CAMSAP2: variants seen among roughly 807,000 people sequenced by gnomAD.
CAMSAP2 encodes the protein calmodulin-regulated spectrin-associated protein 2.
A neutral mutation model predicts 146.1 loss-of-function variants in CAMSAP2; 26 were observed. The ratio of observed to expected loss-of-function variants is 0.18; its 90% confidence interval spans 0.13 to 0.25. The LOEUF (loss-of-function observed/expected upper bound fraction) is 0.25. CAMSAP2 is among the 10% of genes least tolerant of loss of function. CAMSAP2 has a pLI of 1.00. For synonymous variants in CAMSAP2, 499 were observed against 596.6 expected (o/e 0.84, Z 2.38); for missense variants, 1,381 against 1,759.3 (o/e 0.78, Z 3.85).
chr1:200,852,423 G>C, intron 11 of CAMSAP2, 118 bp from the exon 12 acceptor site: 1 of 1,083,176 alleles, frequency 9.2e-7, no homozygotes, highest in Non-Finnish European at 1.3e-6. Flanking sequence ...ATTCAGAAGG[G>C]TTGTAATAGT....
intron 1 of CAMSAP2, among the ~76,000 whole-genome samples, chr1:200,744,580 A>G (rs1203590534): frequency 6.6e-6 from 1 of 152,236 alleles, no homozygotes; most frequent in Non-Finnish European, 1.5e-5. Context: ...GTATAACCAC[A>G]GTAGAGTTCA....
At chr1:200,804,018 C>A (rs1666105752) in intron 2 of CAMSAP2, among the ~76,000 whole-genome samples, 1 of 152,050 alleles carries the variant, frequency 6.6e-6, no homozygotes, top group Admixed American at 6.6e-5. Flanking sequence ...CCTCCACCTC[C>A]CGGGTTCATG....
intron 6 of CAMSAP2, among the ~76,000 whole-genome samples, chr1:200,835,041 T>C (rs1180761313): frequency 6.6e-6 from 1 of 152,196 alleles, no homozygotes; most frequent in Non-Finnish European, 1.5e-5. Flanking sequence ...ATCATATACA[T>C]GCTATATAAA....
intron 3 of CAMSAP2, among the ~76,000 whole-genome samples, chr1:200,809,771 C>T (rs1490367182): frequency 6.6e-6 from 1 of 152,078 alleles, no homozygotes; most frequent in East Asian, 1.9e-4. Context: ...ATACCTGAAA[C>T]TGGGTGATTT....
intron 4 of CAMSAP2, among the ~76,000 whole-genome samples, chr1:200,824,158 A>G (rs1004301116): frequency 2.6e-5 from 4 of 151,914 alleles, no homozygotes; most frequent in African/African-American, 9.7e-5. Context: ...TTGATGCTCA[A>G]ATGGTCTTAG....
chr1:200,769,536 C>T (rs1665056000), intron 2 of CAMSAP2, among the ~76,000 whole-genome samples: 1 of 152,126 alleles, frequency 6.6e-6, no homozygotes, highest in Non-Finnish European at 1.5e-5. Flanking sequence ...AGTCACAAGT[C>T]CAGGCCTCCG....
At chr1:200,844,914 A>G in intron 8 of CAMSAP2, 45 bp downstream of exon 8, 1 of 1,033,368 alleles carries the variant, frequency 9.7e-7, no homozygotes, top group South Asian at 1.6e-5. Flanking sequence ...TATTCTATTT[A>G]CTAATTAAAT....
At chr1:200,854,369 A>G (rs1022372466) in intron 13 of CAMSAP2, among the ~76,000 whole-genome samples, 1 of 152,188 alleles carries the variant, frequency 6.6e-6, no homozygotes, top group Non-Finnish European at 1.5e-5. Context: ...TGCCATGGAA[A>G]TTTTTTAGAG....
At chr1:200,775,901 G>A (rs1665264265) in intron 2 of CAMSAP2, among the ~76,000 whole-genome samples, 1 of 151,912 alleles carries the variant, frequency 6.6e-6, no homozygotes, top group Non-Finnish European at 1.5e-5. Flanking sequence ...TTGATGGCAA[G>A]TATATAACTT....
intron 9 of CAMSAP2, 92 bp downstream of exon 9, chr1:200,847,384 G>A: frequency 1.0e-6 from 1 of 999,434 alleles, no homozygotes; most frequent in Non-Finnish European, 1.5e-6. Flanking sequence ...AAATATCCAG[G>A]GTTTTTTTGT....
rs1667057971 is a variant in CAMSAP2, at chr1:200,832,133, G to A, written c.646-67G>A. Reference sequence around the variant, plus strand: ...TATTACTGGTACATTAGAATTTACAGTACTGATTTTTTTCCTATGCGTTAT... The same window carrying A: ...TATTACTGGTACATTAGAATTTACAATACTGATTTTTTTCCTATGCGTTAT... On this transcript the variant is annotated intron_variant, in intron 4 of 16. Coordinates refer to ENST00000358823, the MANE Select transcript of CAMSAP2 (RefSeq NM_203459.4). The surrounding 1 kb of genome is among the most constrained non-coding windows in gnomAD (Gnocchi z 4.2). 1.2e-5 allele frequency: 15 copies of A among 1,251,110 alleles called. No homozygotes were observed. The highest frequency in any genetic ancestry group is 1.7e-5 in the Non-Finnish European group (15 of 902,772). 77.5% of individuals were successfully genotyped at this position (1,251,110 alleles called of 1,614,324 possible). A position where few individuals can be genotyped will look rare whatever the true frequency, so the allele number is the denominator to read the frequency against.
At chr1:200,754,414 A>G (rs182950871) in intron 1 of CAMSAP2, among the ~76,000 whole-genome samples, 1 of 152,230 alleles carries the variant, frequency 6.6e-6, no homozygotes, top group Non-Finnish European at 1.5e-5. Context: ...TAAATTAATT[A>G]GTAATTTATA....
At chr1:200,746,257 A>C (rs1664318918) in intron 1 of CAMSAP2, among the ~76,000 whole-genome samples, 1 of 152,230 alleles carries the variant, frequency 6.6e-6, no homozygotes, top group African/African-American at 2.4e-5. Context: ...GGAAGTTATT[A>C]TGTTTCAGGT....
At chr1:200,830,864 T>C (rs1222086700) in intron 4 of CAMSAP2, among the ~76,000 whole-genome samples, 3 of 152,224 alleles carry the variant, frequency 2.0e-5, no homozygotes, top group Non-Finnish European at 4.4e-5. Flanking sequence ...GAGGAAAACA[T>C]GTTCCATGAA....
rs571775159 is a variant in CAMSAP2, at chr1:200,796,472, T to C, written c.400-10904T>C. Among the ~76,000 whole-genome samples, 3 of 152,148 alleles carry C rather than the reference T, an allele frequency of 2.0e-5. No homozygotes were observed. In the South Asian group the frequency reaches 6.2e-4, roughly 32 times the overall value. The stretch of plus-strand genomic sequence containing the variant: ...AGTCCCTTGAGCTTTAATATGAATT[T>C]TAGGATCAGTTTGTCAGTTTCTATA... On this transcript the variant is annotated intron_variant, in intron 2 of 16. Transcript: ENST00000358823.
In CAMSAP2 at chr1:200,760,874, A is replaced by G; in HGVS notation, c.175A>G (p.Thr59Ala). 1 of 1,614,002 alleles carries G rather than the reference A, an allele frequency of 6.2e-7. No homozygotes were observed. The highest frequency in any genetic ancestry group is 1.1e-5 in the South Asian group (1 of 91,014). The change falls in exon 2 of 17, where the codon ACA (threonine) becomes GCA (alanine). Residue 59 changes from threonine to alanine, a missense_variant. By Grantham distance (58) the Thr-to-Ala change is moderately conservative. Around this residue, in one of 4 missense-constraint regions of CAMSAP2, gnomAD observed 284 missense variants for 406.9 expected, o/e 0.70. Coordinates refer to ENST00000358823, the MANE Select transcript of CAMSAP2 (RefSeq NM_203459.4). Reference sequence around the variant, plus strand: ...AGAGGAACTTCAAGAACCATTTTACACAGATCAGTATGACCAGGAACACAT... The same window carrying G: ...AGAGGAACTTCAAGAACCATTTTACGCAGATCAGTATGACCAGGAACACAT... Reference protein sequence around the residue: ...VPEELQEPFYTDQYDQEHIKP... With the variant: ...VPEELQEPFYADQYDQEHIKP...
chr1:200,753,132 T>G (rs2102993697), intron 1 of CAMSAP2, among the ~76,000 whole-genome samples: 1 of 151,948 alleles, frequency 6.6e-6, no homozygotes, highest in South Asian at 2.1e-4. Context: ...CCATCTCTAC[T>G]AAGTGGTGTG....
intron 6 of CAMSAP2, among the ~76,000 whole-genome samples, chr1:200,836,319 C>T (rs551953246): frequency 3.3e-5 from 5 of 152,220 alleles, no homozygotes; most frequent in East Asian, 1.9e-4. Context: ...CCTGTGTTTT[C>T]GTCACATAAG....
intron 2 of CAMSAP2, among the ~76,000 whole-genome samples, chr1:200,785,792 ATTC>A (rs1270983888): frequency 6.6e-6 from 1 of 151,992 alleles, no homozygotes; most frequent in Admixed American, 6.6e-5. Flanking sequence ...GGTTCAAGTG[ATTC>A]TTGTGCCTCA....
Sources: allele counts gnomAD v4.1 joint callset (sites outside exome capture counted in the v4.1 genomes callset), GRCh38; gene constraint gnomAD v4.1.1; regional missense constraint gnomAD v4.1.1; non-coding constraint Gnocchi (gnomAD v3.1); transcripts MANE v1.5; gene names NCBI Gene and HGNC (gene_info 2026-07-23, HGNC 2026-07-21).